Variants in CES5A observed in about 807,000 individuals in gnomAD.
The protein encoded by CES5A is carboxylesterase 5A, also known as carboxylesterase 5.
A neutral mutation model predicts 62.9 loss-of-function variants in CES5A; 67 were observed. The observed-to-expected ratio is 1.07, with a 90% confidence interval of 0.88 to 1.31. CES5A has a LOEUF of 1.31. Ranked by LOEUF, CES5A falls within the 50% of genes most tolerant of loss-of-function variation. The probability of loss-of-function intolerance (pLI) is 0.00; values close to 1 mark genes in which losing one functional copy is unlikely to be tolerated. For missense variants in CES5A, 748 were observed against 708.5 expected (o/e 1.06, Z -0.63); for synonymous variants, 296 against 280.8 (o/e 1.05, Z -0.54).
chr16:55,934,346 TTAAA>T (rs1418479509), intron 2 of CES5A, among the ~76,000 whole-genome samples: 1 of 152,268 alleles, frequency 6.6e-6, no homozygotes. Context: ...TATTTGTTGA[TTAAA>T]TAAATAAATA....
chr16:55,869,174 G>A (rs1203728289), intron 4 of CES5A, among the ~76,000 whole-genome samples: 1 of 152,206 alleles, frequency 6.6e-6, no homozygotes, highest in Non-Finnish European at 1.5e-5. Context: ...GTGGCCATGT[G>A]ACTGAGTTCT....
chr16:55,886,873 G>GATGT (rs2033821259), intron 1 of CES5A, among the ~76,000 whole-genome samples: 2 of 151,848 alleles, frequency 1.3e-5, no homozygotes, highest in Admixed American at 1.3e-4. Flanking sequence ...TGATTACATA[G>GATGT]GATGTAATCA....
chr16:55,907,612 C>A (rs1251269968), intron 1 of CES5A, among the ~76,000 whole-genome samples: 1 of 152,160 alleles, frequency 6.6e-6, no homozygotes, highest in East Asian at 1.9e-4. Context: ...TTCTGGGGCT[C>A]AGGGAGCACG....
intron 10 of CES5A, 38 bp downstream of exon 10, chr16:55,852,843 T>C: frequency 1.3e-6 from 2 of 1,587,518 alleles, no homozygotes; most frequent in East Asian, 4.5e-5. Context: ...CCAGCCTCAC[T>C]GGGCTATGGT....
chr16:55,923,250 G>T (rs546803138), intron 1 of CES5A, among the ~76,000 whole-genome samples: 5 of 151,288 alleles, frequency 3.3e-5, no homozygotes, highest in Admixed American at 6.6e-5. Flanking sequence ...ACTTTTTTAA[G>T]AAGATAAAAT....
At chr16:55,930,078 G>C (rs1302692038), upstream of CES5A, among the ~76,000 whole-genome samples, 3 of 151,914 alleles carry the variant, frequency 2.0e-5, no homozygotes, top group Non-Finnish European at 4.4e-5. Context: ...ATCACTAATG[G>C]TCAGATGGAA....
intron 2 of CES5A, among the ~76,000 whole-genome samples, chr16:55,872,194 C>T (rs2033605717): frequency 6.6e-6 from 1 of 152,216 alleles, no homozygotes; most frequent in Admixed American, 6.5e-5. Context: ...GGAACATTTC[C>T]AGGCCTCTCT....
intron 1 of CES5A, among the ~76,000 whole-genome samples, chr16:55,897,330 A>C (rs1414305046): frequency 6.6e-6 from 1 of 152,088 alleles, no homozygotes; most frequent in African/African-American, 2.4e-5. Context: ...CATTAGTCTC[A>C]CCAAAATGCC....
chr16:55,901,394 G>A (rs1327699360), intron 1 of CES5A, among the ~76,000 whole-genome samples: 1 of 152,136 alleles, frequency 6.6e-6, no homozygotes, highest in African/African-American at 2.4e-5. Flanking sequence ...CAGAAAGGAA[G>A]GGAAATAAAG....
intron 5 of CES5A, among the ~76,000 whole-genome samples, chr16:55,865,431 C>T (rs1306938695): frequency 3.3e-5 from 5 of 152,068 alleles, no homozygotes; most frequent in East Asian, 1.9e-4. Context: ...TTTAAGTTTG[C>T]GCCCACTGTA....
intron 6 of CES5A, among the ~76,000 whole-genome samples, chr16:55,862,550 T>C (rs544957928): frequency 2.2e-4 from 34 of 152,198 alleles, no homozygotes; most frequent in Non-Finnish European, 4.4e-4. Flanking sequence ...AAACTGAAAA[T>C]AGCTTTATGG....
At position 55,875,364 on chromosome 16, in the gene CES5A, T is replaced by A; in HGVS notation, c.-143A>T. On this transcript the variant is annotated 5_prime_UTR_variant, in exon 1 of 13. It removes an upstream start codon present in the reference 5' UTR. Coordinates refer to ENST00000290567, the MANE Select transcript of CES5A (RefSeq NM_001143685.2). ...GCAGCAGAGTTACTGAAGATCAGCA[T>A]CAGAACAATATTCTCAAAGGAATTG... 6.9e-7 allele frequency: 1 copy of A among 1,448,944 alleles called. No individual in the cohort carries two copies. Among genetic ancestry groups the A allele is most frequent in the Non-Finnish European group, 9.0e-7 (1 of 1,105,258 alleles). The allele number at this position is 1,448,944 out of a possible 1,614,324, so 89.8% of individuals were successfully genotyped here.
chr16:55,955,877 A>T, exon 1 of CES5A: 1 of 1,536,098 alleles, frequency 6.5e-7, no homozygotes, highest in Non-Finnish European at 8.7e-7. Context: ...GGCAAACCAG[A>T]ACAGCCATCA....
chr16:55,911,674 C>T (rs2034094116), intron 1 of CES5A, among the ~76,000 whole-genome samples: 1 of 152,098 alleles, frequency 6.6e-6, no homozygotes, highest in Non-Finnish European at 1.5e-5. Flanking sequence ...TTTTTTATTC[C>T]CATAAATGTA....
chr16:55,885,514 A>G (rs2033806556), intron 1 of CES5A, among the ~76,000 whole-genome samples: 1 of 152,100 alleles, frequency 6.6e-6, no homozygotes, highest in Admixed American at 6.5e-5. Flanking sequence ...TCTGCAAAGG[A>G]GAGATAACAA....
chr16:55,888,432 G>A (rs1333993892), intron 1 of CES5A, among the ~76,000 whole-genome samples: 6 of 152,160 alleles, frequency 3.9e-5, no homozygotes, highest in Non-Finnish European at 7.3e-5. Flanking sequence ...TTATTCAAGC[G>A]AACAATTCTA....
chr16:55,860,213 T>G (rs543492906), intron 7 of CES5A, among the ~76,000 whole-genome samples: 1 of 152,130 alleles, frequency 6.6e-6, no homozygotes, highest in African/African-American at 2.4e-5. Flanking sequence ...CCCTCTACCA[T>G]GATTGTGAGA....
chr16:55,955,882 C>T (rs2034604933), exon 1 of CES5A: 1 of 1,536,060 alleles, frequency 6.5e-7, no homozygotes, highest in Non-Finnish European at 8.7e-7. Flanking sequence ...ACCAGAACAG[C>T]CATCAGACTT....
intron 1 of CES5A, among the ~76,000 whole-genome samples, chr16:55,913,329 A>T (rs552134815): frequency 1.3e-5 from 2 of 152,184 alleles, no homozygotes; most frequent in East Asian, 3.9e-4. Context: ...CATGGAGTGC[A>T]GGGTCTGCAA....
Sources: allele counts gnomAD v4.1 joint callset (sites outside exome capture counted in the v4.1 genomes callset), GRCh38; gene constraint gnomAD v4.1.1; transcripts MANE v1.5; gene names NCBI Gene and HGNC (gene_info 2026-07-23, HGNC 2026-07-21).